Variants in LRP1B observed in about 807,000 individuals in gnomAD.
The protein encoded by LRP1B is low-density lipoprotein receptor-related protein 1B.
In LRP1B, 217 loss-of-function variants were observed where a neutral mutation model predicts 556.6. The observed-to-expected ratio is 0.39, with a 90% CI of 0.35 to 0.44. The LOEUF (loss-of-function observed/expected upper bound fraction) is 0.44, where lower values mean the gene tolerates loss of function less well. Among genes scored for constraint, LRP1B ranks in the 20% least tolerant of loss-of-function variants. LRP1B has a pLI of 1.00. For synonymous variants in LRP1B, 2,047 were observed against 1,865.8 expected (o/e 1.10, Z -2.50); for missense variants, 5,053 against 5,620.8 (o/e 0.90, Z 3.23).
intron 66 of LRP1B, among the ~76,000 whole-genome samples, chr2:140,417,209 C>G (rs910775092): frequency 1.3e-5 from 2 of 152,048 alleles, no homozygotes; most frequent in African/African-American, 4.8e-5. Context: ...CAAATGTGTC[C>G]GCACTGACAG....
At chr2:140,873,707 CTCA>C (rs1425041977) in intron 25 of LRP1B, among the ~76,000 whole-genome samples, 3 of 151,790 alleles carry the variant, frequency 2.0e-5, no homozygotes, top group East Asian at 1.9e-4. Flanking sequence ...TGTAAACAAA[CTCA>C]TCATAATTTA....
intron 2 of LRP1B, among the ~76,000 whole-genome samples, chr2:141,521,168 A>G (rs568592816): frequency 1.7e-4 from 26 of 152,258 alleles, no homozygotes; most frequent in Admixed American, 9.2e-4. Context: ...TTGCCTTAAG[A>G]ATGGCAGTTT....
intron 86 of LRP1B, among the ~76,000 whole-genome samples, chr2:140,247,979 C>T (rs563158075): frequency 1.3e-5 from 2 of 151,476 alleles, no homozygotes; most frequent in Non-Finnish European, 3.0e-5. Flanking sequence ...GGCTTCAGTT[C>T]GTAGTTAAAA....
chr2:141,355,056 T>C (rs1688576282), intron 3 of LRP1B, among the ~76,000 whole-genome samples: 1 of 152,086 alleles, frequency 6.6e-6, no homozygotes, highest in African/African-American at 2.4e-5. Context: ...TAGGTATTGG[T>C]AAGGATAATT....
At position 140,350,981 on chromosome 2, in the gene LRP1B, T is replaced by C. The variant is rs747967111; in HGVS notation, c.11708A>G (p.Tyr3903Cys). 1 of 1,605,464 alleles carries C rather than the reference T, an allele frequency of 6.2e-7. No individual in the cohort carries two copies. The highest frequency in any genetic ancestry group is 1.7e-5 in the Admixed American group (1 of 59,820). ...ATGATCGCCACTGTAGTTGAATGGA[T>C]ATATAAAACCCAGGATATCAGTGTC... ...ANDTDILGFI[Y>C]PFNYSGDHQQ... Residue 3903 changes from tyrosine to cysteine, a missense_variant, in exon 77 of 91, where the codon TAT becomes TGT. Tyr to Cys is a radical substitution (Grantham distance 194). Around this residue, in one of 5 missense-constraint regions of LRP1B, gnomAD observed 599 missense variants for 648.4 expected, o/e 0.92. Transcript: ENST00000389484.
At chr2:141,774,674 T>G (rs1695002202) in intron 2 of LRP1B, among the ~76,000 whole-genome samples, 1 of 152,214 alleles carries the variant, frequency 6.6e-6, no homozygotes, top group African/African-American at 2.4e-5. Flanking sequence ...AGTACAGAAC[T>G]TTTGGAAACA....
intron 67 of LRP1B, among the ~76,000 whole-genome samples, chr2:140,379,635 C>A (rs545107364): frequency 1.1e-3 from 165 of 152,174 alleles, no homozygotes; most frequent in Non-Finnish European, 1.8e-3. Context: ...ACAGAGGCTG[C>A]AGTGAGCTGA....
intron 57 of LRP1B, among the ~76,000 whole-genome samples, chr2:140,491,352 ATGTG>A (rs927474659): frequency 3.3e-5 from 5 of 151,742 alleles, no homozygotes; most frequent in South Asian, 4.2e-4. Flanking sequence ...TTATGTACAT[ATGTG>A]TGTGTGTGTA....
At chr2:141,380,528 T>A (rs1004518018) in intron 3 of LRP1B, among the ~76,000 whole-genome samples, 6 of 152,210 alleles carry the variant, frequency 3.9e-5, no homozygotes, top group Non-Finnish European at 8.8e-5. Flanking sequence ...TGACTGTTAC[T>A]TGGGGAACTG....
At chr2:141,628,804 C>G (rs1182687085) in intron 2 of LRP1B, among the ~76,000 whole-genome samples, 1 of 152,040 alleles carries the variant, frequency 6.6e-6, no homozygotes, top group African/African-American at 2.4e-5. Flanking sequence ...CTTGCCACCA[C>G]ACCCAGCTAA....
chr2:141,399,293 A>G (rs1384963736), intron 3 of LRP1B, among the ~76,000 whole-genome samples: 3 of 152,054 alleles, frequency 2.0e-5, no homozygotes, highest in Non-Finnish European at 4.4e-5. Context: ...TCTCATTTTA[A>G]TGTTAAAATC....
At chr2:141,363,315 T>A (rs1573858988) in intron 3 of LRP1B, among the ~76,000 whole-genome samples, 1 of 152,182 alleles carries the variant, frequency 6.6e-6, no homozygotes, top group African/African-American at 2.4e-5. Context: ...TAAGCTGAGC[T>A]TTAGAATATT....
chr2:140,366,785 G>A (rs953515926), intron 71 of LRP1B, among the ~76,000 whole-genome samples: 1 of 151,806 alleles, frequency 6.6e-6, no homozygotes, highest in African/African-American at 2.4e-5. Flanking sequence ...GAATGCCAAC[G>A]TATCTTTCCA....
intron 41 of LRP1B, among the ~76,000 whole-genome samples, chr2:140,677,830 C>T (rs1478016835): frequency 1.4e-5 from 2 of 145,724 alleles, no homozygotes; most frequent in African/African-American, 2.6e-5. Flanking sequence ...GAGCCGAGAT[C>T]GTGCTATTGC....
At chr2:142,063,452 A>C (rs2104896905) in intron 1 of LRP1B, among the ~76,000 whole-genome samples, 1 of 151,800 alleles carries the variant, frequency 6.6e-6, no homozygotes, top group South Asian at 2.1e-4. Context: ...AACAATCAGT[A>C]TCAAACTTTG....
At chr2:141,641,184 G>A (rs1689317509) in intron 2 of LRP1B, among the ~76,000 whole-genome samples, 1 of 101,328 alleles carries the variant, frequency 9.9e-6, no homozygotes, top group South Asian at 3.2e-4. Flanking sequence ...AGTGCCGGTA[G>A]TATAGCTGGG....
intron 75 of LRP1B, among the ~76,000 whole-genome samples, chr2:140,354,117 C>T (rs1682099910): frequency 6.6e-6 from 1 of 152,046 alleles, no homozygotes. Flanking sequence ...TCTTTTCCTC[C>T]TCTACTTTTG....
chr2:140,651,359 G>A, intron 41 of LRP1B, among the ~76,000 whole-genome samples: 1 of 101,718 alleles, frequency 9.8e-6, no homozygotes, highest in Admixed American at 1.1e-4. Flanking sequence ...TTGTGGGGTG[G>A]GGGGAGGGGG....
At chr2:140,782,238 TC>T (rs1432370330) in intron 32 of LRP1B, among the ~76,000 whole-genome samples, 2 of 152,158 alleles carry the variant, frequency 1.3e-5, no homozygotes, top group Non-Finnish European at 2.9e-5. Context: ...AATTGTTAAC[TC>T]CCACCCAAAA....
Sources: gnomAD v4.1 joint callset for allele counts (sites outside exome capture counted in the v4.1 genomes callset) on GRCh38, gnomAD v4.1.1 for gene constraint, gnomAD v4.1.1 regional missense constraint, MANE v1.5 for transcripts, NCBI Gene and HGNC (gene_info 2026-07-23, HGNC 2026-07-21) for gene names.